The following SH3RF1 variants were observed in gnomAD, a reference collection of about 807,000 sequenced individuals.
SH3RF1 encodes the protein E3 ubiquitin-protein ligase SH3RF1.
In SH3RF1, 32 loss-of-function variants were observed where a neutral mutation model predicts 74.0. The ratio of observed to expected loss-of-function variants is 0.43; its 90% CI spans 0.33 to 0.58. The LOEUF (loss-of-function observed/expected upper bound fraction) is 0.58, where lower values mean the gene tolerates loss of function less well. SH3RF1 is among the 20% of genes least tolerant of loss of function. SH3RF1 has a pLI of 0.05. For missense variants in SH3RF1, 954 were observed against 1,130.9 expected, an observed-to-expected ratio of 0.84 and a Z score of 2.24; for synonymous variants, 396 against 439.6, an observed-to-expected ratio of 0.90 and a Z score of 1.24.
intron 2 of SH3RF1, among the ~76,000 whole-genome samples, chr4:169,228,015 C>A (rs1362455848): frequency 6.6e-6 from 1 of 152,174 alleles, no homozygotes; most frequent in African/African-American, 2.4e-5. Flanking sequence ...CCTATAAAAG[C>A]AACATAACGC....
rs971906344 is a variant in SH3RF1, at chr4:169,094,568, T to C, written c.*1951A>G. On this transcript the variant is annotated 3_prime_UTR_variant, in exon 12 of 12. Transcript: ENST00000284637. ...AAAAAATTATCTTAACCTGTAGTAG[T>C]CTTTTTTCTTTTTAAAATTTTTATA... 1 of 152,160 alleles carries C rather than the reference T, an allele frequency of 6.6e-6. No individual in the cohort carries two copies. Among genetic ancestry groups the C allele is most frequent in the African/African-American group, 2.4e-5 (1 of 41,440 alleles). 9.4% of individuals were successfully genotyped at this position (152,160 alleles called of 1,614,324 possible). A position where few individuals can be genotyped will look rare whatever the true frequency, so the allele number is the denominator to read the frequency against.
chr4:169,131,720 T>C (rs935688675), intron 5 of SH3RF1, among the ~76,000 whole-genome samples: 1 of 152,244 alleles, frequency 6.6e-6, no homozygotes, highest in African/African-American at 2.4e-5. Flanking sequence ...GGTGGGAAAC[T>C]GAAAGTACCT....
At chr4:169,194,598 AT>A (rs1247855428) in intron 2 of SH3RF1, among the ~76,000 whole-genome samples, 1 of 152,146 alleles carries the variant, frequency 6.6e-6, no homozygotes, top group African/African-American at 2.4e-5. Context: ...AATATAAAAC[AT>A]TTTATCCATC....
At chr4:169,241,051 A>G (rs1168270932) in intron 2 of SH3RF1, among the ~76,000 whole-genome samples, 1 of 152,172 alleles carries the variant, frequency 6.6e-6, no homozygotes, top group East Asian at 1.9e-4. Flanking sequence ...TAACACAGTG[A>G]AACCCCTTCT....
intron 2 of SH3RF1, among the ~76,000 whole-genome samples, chr4:169,163,062 C>T (rs531504834): frequency 7.5e-4 from 111 of 148,552 alleles, no homozygotes; most frequent in African/African-American, 2.7e-3. Flanking sequence ...TGCTGTTTTG[C>T]GGGGGGCATT....
At chr4:169,187,092 T>C (rs1734618532) in intron 2 of SH3RF1, among the ~76,000 whole-genome samples, 1 of 152,150 alleles carries the variant, frequency 6.6e-6, no homozygotes, top group Non-Finnish European at 1.5e-5. Flanking sequence ...AAAAATACTC[T>C]TTTTGCTAAC....
At chr4:169,115,089 C>A (rs768977759) in intron 10 of SH3RF1, among the ~76,000 whole-genome samples, 3 of 152,154 alleles carry the variant, frequency 2.0e-5, no homozygotes, top group Admixed American at 6.5e-5. Flanking sequence ...CTAAACCCAA[C>A]CATCGGTTAT....
At chr4:169,235,971 G>A (rs1024358829) in intron 2 of SH3RF1, among the ~76,000 whole-genome samples, 11 of 152,164 alleles carry the variant, frequency 7.2e-5, no homozygotes, top group African/African-American at 2.2e-4. Flanking sequence ...GTGAGCCACC[G>A]TGCCTGGCCT....
intron 2 of SH3RF1, among the ~76,000 whole-genome samples, chr4:169,253,176 A>T (rs1731132078): frequency 6.6e-6 from 1 of 152,252 alleles, no homozygotes; most frequent in Non-Finnish European, 1.5e-5. Flanking sequence ...CTTCATTCAT[A>T]GCATACCTAG....
At chr4:169,166,215 C>T (rs575440648) in intron 2 of SH3RF1, 1 of 152,096 alleles carries the variant, frequency 6.6e-6, no homozygotes, top group East Asian at 1.9e-4. Context: ...TAAAATGACT[C>T]CTACTAACCA....
At chr4:169,099,938 C>T (rs1038011458) in intron 11 of SH3RF1, among the ~76,000 whole-genome samples, 1 of 152,156 alleles carries the variant, frequency 6.6e-6, no homozygotes, top group African/African-American at 2.4e-5. Flanking sequence ...GTAATAGACT[C>T]TACTTAGAAA....
intron 6 of SH3RF1, among the ~76,000 whole-genome samples, chr4:169,123,358 T>G (rs1733473048): frequency 6.6e-6 from 1 of 152,202 alleles, no homozygotes; most frequent in South Asian, 2.1e-4. Context: ...AATTTCAAAT[T>G]TCTAGACGCA....
At chr4:169,143,835 A>G (rs2126958059) in intron 4 of SH3RF1, among the ~76,000 whole-genome samples, 1 of 152,328 alleles carries the variant, frequency 6.6e-6, no homozygotes, top group South Asian at 2.1e-4. Flanking sequence ...TAGCTGTTAA[A>G]AACAAAATAA....
chr4:169,131,033 A>T (rs1259642143), intron 5 of SH3RF1, among the ~76,000 whole-genome samples: 1 of 152,216 alleles, frequency 6.6e-6, no homozygotes, highest in Admixed American at 6.5e-5. Flanking sequence ...GCTAGGTTTT[A>T]TAATAAAAAT....
chr4:169,270,308 AC>A (rs1035337368), intron 1 of SH3RF1, among the ~76,000 whole-genome samples: 3 of 151,584 alleles, frequency 2.0e-5, no homozygotes, highest in Non-Finnish European at 4.4e-5. Flanking sequence ...CCGCAGACAC[AC>A]CCCGGGGCCA....
intron 2 of SH3RF1, among the ~76,000 whole-genome samples, chr4:169,231,832 G>A (rs1393262618): frequency 6.6e-6 from 1 of 152,140 alleles, no homozygotes; most frequent in African/African-American, 2.4e-5. Context: ...CTACATGTCA[G>A]GTACTGTTTG....
At chr4:169,203,465 G>A (rs945260073) in intron 2 of SH3RF1, among the ~76,000 whole-genome samples, 2 of 151,816 alleles carry the variant, frequency 1.3e-5, no homozygotes, top group Non-Finnish European at 2.9e-5. Context: ...GTGGGAGGAT[G>A]GTTTGAGCCT....
intron 4 of SH3RF1, among the ~76,000 whole-genome samples, chr4:169,141,015 A>G (rs1452014270): frequency 7.5e-6 from 1 of 133,762 alleles, no homozygotes; most frequent in African/African-American, 2.8e-5. Context: ...CTCATCAGCT[A>G]TTGATAGTGT....
chr4:169,219,524 C>A lies in SH3RF1; in HGVS notation c.393+49296G>T, dbSNP rs146550580. ...AGAGATTATTCGCTTACAAAAAAAA[C>A]CAAAAACCCCCAAAACTAATGTACT... On this transcript the variant is annotated intron_variant, in intron 2 of 11. Coordinates refer to ENST00000284637, the MANE Select transcript of SH3RF1 (RefSeq NM_020870.4). Among the ~76,000 whole-genome samples the A allele has an allele frequency of 6.1e-3, 929 of 152,142 alleles. 30 individuals are homozygous for A. Among genetic ancestry groups the A allele is most frequent in the Admixed American group, 0.04 (618 of 15,286 alleles).
Sources: gnomAD v4.1 joint callset for allele counts (sites outside exome capture counted in the v4.1 genomes callset) on GRCh38, gnomAD v4.1.1 for gene constraint, MANE v1.5 for transcripts, NCBI Gene and HGNC (gene_info 2026-07-23, HGNC 2026-07-21) for gene names.